Variants in GFI1B observed in about 807,000 individuals in gnomAD.
GFI1B encodes zinc finger protein Gfi-1b.
Under a neutral mutation model 35.3 loss-of-function variants are expected in GFI1B, and 20 were observed. The observed-to-expected ratio is 0.57, with a 90% CI of 0.40 to 0.82. GFI1B has a LOEUF of 0.82. Ranked by LOEUF, GFI1B falls within the 40% of genes least tolerant of loss-of-function variation. GFI1B has a pLI of 0.00. For missense variants in GFI1B, 430 were observed against 446.3 expected (o/e 0.96, Z 0.33); for synonymous variants, 178 against 177.6 (o/e 1.00, Z -0.02).
At chr9:132,961,827 G>A (rs1007754004) in intron 1 of GFI1B, among the ~76,000 whole-genome samples, 71 of 151,746 alleles carry the variant, frequency 4.7e-4, no homozygotes, top group African/African-American at 1.5e-3. Context: ...TCCTGACCTC[G>A]TGATCTGCCT....
chr9:132,963,380 G>A (rs1426637442), intron 1 of GFI1B, among the ~76,000 whole-genome samples: 3 of 152,046 alleles, frequency 2.0e-5, no homozygotes, highest in Middle Eastern at 3.2e-3. Flanking sequence ...CCCAGGAGGC[G>A]AAGGCAGAAT....
intron 1 of GFI1B, among the ~76,000 whole-genome samples, chr9:132,985,985 A>T (rs952665352): frequency 6.6e-6 from 1 of 152,190 alleles, no homozygotes; most frequent in Non-Finnish European, 1.5e-5. Flanking sequence ...AGCCCAGGTC[A>T]TGCCAATGGG....
chr9:132,955,060 T>C (rs1848262538), intron 1 of GFI1B, among the ~76,000 whole-genome samples: 1 of 152,176 alleles, frequency 6.6e-6, no homozygotes, highest in African/African-American at 2.4e-5. Flanking sequence ...AAATATTTTA[T>C]ATTTGCCCAC....
At chr9:132,980,146 C>G (rs1848768771) in intron 1 of GFI1B, among the ~76,000 whole-genome samples, 2 of 152,178 alleles carry the variant, frequency 1.3e-5, no homozygotes, top group African/African-American at 4.8e-5. Context: ...GAGAGCTATA[C>G]CTGGTTTCGG....
intron 1 of GFI1B, among the ~76,000 whole-genome samples, chr9:132,961,634 C>T (rs1268706927): frequency 2.0e-5 from 3 of 151,092 alleles, no homozygotes; most frequent in African/African-American, 7.3e-5. Flanking sequence ...CTCTGTCGCC[C>T]AGGCTGGAGT....
intron 1 of GFI1B, among the ~76,000 whole-genome samples, chr9:132,965,642 C>T (rs950697948): frequency 5.3e-5 from 8 of 152,308 alleles, no homozygotes; most frequent in African/African-American, 1.7e-4. Flanking sequence ...CCCATGAAGG[C>T]AGAGGCAGAG....
At chr9:132,975,471 C>T (rs542362943), upstream of GFI1B, among the ~76,000 whole-genome samples, 4 of 152,318 alleles carry the variant, frequency 2.6e-5, no homozygotes, top group African/African-American at 9.6e-5. Context: ...GATATCACTT[C>T]CTTCACCAAC....
In GFI1B at chr9:132,969,132, G is replaced by A. The variant is rs191108421; in HGVS notation, c.-700-3593G>A. 8.5e-5 allele frequency among the ~76,000 whole-genome samples: 13 copies of A among 152,074 alleles called. No homozygotes were observed. In the East Asian group the frequency reaches 2.3e-3, roughly 27 times the overall value. On this transcript the variant is annotated intron_variant, in intron 1 of 10. Transcript: ENST00000339463. ...CAACCTCTGCCTCCCGGGTTCAAGC[G>A]CTTCTCATGCCTCAGCCTCCTGAGT...
At chr9:132,959,822 T>C (rs1848338292) in intron 1 of GFI1B, among the ~76,000 whole-genome samples, 1 of 152,216 alleles carries the variant, frequency 6.6e-6, no homozygotes, top group Non-Finnish European at 1.5e-5. Flanking sequence ...TCCATCTTCA[T>C]GCAGGCTTCT....
chr9:132,975,497 T>C (rs1848612707), upstream of GFI1B, among the ~76,000 whole-genome samples: 1 of 152,270 alleles, frequency 6.6e-6, no homozygotes, highest in Admixed American at 6.5e-5. Context: ...CAAGCCTGGG[T>C]CCATTTCCAA....
In GFI1B at chr9:132,988,557, G is replaced by A. The variant is rs907602997; in HGVS notation, c.510+89G>A. On this transcript the variant is annotated intron_variant, in intron 4 of 6. Transcript: ENST00000372122. Reference sequence around the variant, plus strand: ...GGCAGCTCTGGGCGTTCTCTGTGCTGTGAATGTTGGGGCTCTGGTGGGATT... The same window carrying A: ...GGCAGCTCTGGGCGTTCTCTGTGCTATGAATGTTGGGGCTCTGGTGGGATT... 4.1e-6 allele frequency: 5 copies of A among 1,206,578 alleles called. No homozygotes were observed. The African/African-American group carries it at 7.5e-5, about 18-fold the overall frequency. The allele number at this position is 1,206,578 out of a possible 1,614,324, so 74.7% of individuals were successfully genotyped here.
Position 132,983,400 on chromosome 9 carries a change from T to C in GFI1B, c.-20-3259T>C, listed in dbSNP as rs1359388021. Among the ~76,000 whole-genome samples, 3 of 152,194 alleles carry C rather than the reference T, an allele frequency of 2.0e-5. No homozygotes were observed. In the East Asian group the frequency reaches 5.8e-4, roughly 30 times the overall value. On this transcript the variant is annotated intron_variant, in intron 1 of 6. Transcript: ENST00000372122. ...TTTGTAGAGACGAGGTTTCACTGTG[T>C]TGGCTAGGCTGGTCTCGAACTCCTG...
intron 2 of GFI1B, among the ~76,000 whole-genome samples, chr9:132,973,539 G>C (rs1848570899): frequency 6.6e-6 from 1 of 152,228 alleles, no homozygotes; most frequent in Non-Finnish European, 1.5e-5. Context: ...GAGCAAGACA[G>C]GAATCCAAGG....
At chr9:132,984,150 T>C (rs549645257) in intron 1 of GFI1B, among the ~76,000 whole-genome samples, 1 of 152,324 alleles carries the variant, frequency 6.6e-6, no homozygotes, top group African/African-American at 2.4e-5. Flanking sequence ...GATATTTTGA[T>C]AGGCAAACCA....
At position 132,958,784 on chromosome 9, in the gene GFI1B, C is replaced by T. The variant is rs573144363; in HGVS notation, c.-701+13115C>T. ...GGCTAGAGAACGTGGGCTGATGTCA[C>T]TTTGGGACCAGCTCAATTGAGATGC... On this transcript the variant is annotated intron_variant, in intron 1 of 10. Coordinates refer to the GFI1B transcript ENST00000339463. Among the ~76,000 whole-genome samples, 9 of 152,302 alleles carry T rather than the reference C, an allele frequency of 5.9e-5. 1 individual carries two copies. The highest frequency in any genetic ancestry group is 2.6e-4 in the Admixed American group (4 of 15,296).
At chr9:132,967,241 TG>T (rs1246247962) in intron 1 of GFI1B, among the ~76,000 whole-genome samples, 1 of 152,162 alleles carries the variant, frequency 6.6e-6, no homozygotes, top group Non-Finnish European at 1.5e-5. Context: ...CCTCCAGAAC[TG>T]TGAGCCAAAT....
intron 1 of GFI1B, among the ~76,000 whole-genome samples, chr9:132,980,276 C>T (rs1389530632): frequency 2.0e-5 from 3 of 152,128 alleles, no homozygotes; most frequent in Non-Finnish European, 1.5e-5. Flanking sequence ...GGCTCTGGGA[C>T]CAGATGGCTC....
At chr9:132,977,643 CA>C (rs527850790), upstream of GFI1B, among the ~76,000 whole-genome samples, 343 of 152,262 alleles carry the variant, frequency 2.3e-3, 1 homozygote, top group African/African-American at 6.8e-3. Flanking sequence ...AGTCATCCTG[CA>C]AGCGGGAGGA....
chr9:132,986,055 G>C (rs933714931), intron 1 of GFI1B, among the ~76,000 whole-genome samples: 2 of 152,240 alleles, frequency 1.3e-5, no homozygotes, highest in African/African-American at 4.8e-5. Flanking sequence ...TGAAGGAGCA[G>C]TGAGGGAAGT....
Sources: allele counts gnomAD v4.1 joint callset (sites outside exome capture counted in the v4.1 genomes callset), GRCh38; gene constraint gnomAD v4.1.1; transcripts MANE v1.5; gene names NCBI Gene and HGNC (gene_info 2026-07-23, HGNC 2026-07-21).